Variants in IGHMBP2 observed in about 807,000 individuals in gnomAD.
IGHMBP2 encodes the protein immunoglobulin mu DNA binding protein 2, also known as DNA-binding protein SMUBP-2.
A neutral mutation model predicts 96.0 loss-of-function variants in IGHMBP2; 81 were observed. That is an observed-to-expected ratio of 0.84 (90% confidence interval 0.71 to 1.01). The LOEUF is 1.01. Ranked by LOEUF, IGHMBP2 falls within the 50% of genes least tolerant of loss-of-function variation. The probability of loss-of-function intolerance (pLI) is 0.00; values close to 1 mark genes in which losing one functional copy is unlikely to be tolerated. For synonymous variants in IGHMBP2, 557 were observed against 548.9 expected (o/e 1.01, Z -0.21); for missense variants, 1,227 against 1,306.3 (o/e 0.94, Z 0.94).
At position 68,936,361 on chromosome 11, in the gene IGHMBP2, GGAGT is replaced by G; in HGVS notation, c.1882_1885del (p.Glu628IlefsTer104). On this transcript the variant is annotated frameshift_variant, in exon 13 of 15. Coordinates refer to ENST00000255078, the MANE Select transcript of IGHMBP2 (RefSeq NM_002180.3). LOFTEE classifies it high-confidence loss of function. ...ACCATGCATTTTTGAAGACCCTGGT[GGAGT>G]ATTTCACACAGCATGGGGAAGTACG... The G allele has an allele frequency of 6.2e-7, 1 of 1,614,196 alleles. No individual in the cohort carries two copies. Among genetic ancestry groups the G allele is most frequent in the South Asian group, 1.1e-5 (1 of 91,076 alleles).
At position 68,903,942 on chromosome 11, in the gene IGHMBP2, C is replaced by T. The variant is rs1416279577; in HGVS notation, c.-11C>T. 2 of 1,580,432 alleles carry T rather than the reference C, an allele frequency of 1.3e-6. No individual in the cohort carries two copies. The highest frequency in any genetic ancestry group is 8.6e-7 in the Non-Finnish European group (1 of 1,163,400). ...GACGTCGGCTTCTAGGGGCCCAGGC[C>T]GGCGGCGGCGATGGCCTCGGCAGCT... On this transcript the variant is annotated 5_prime_UTR_variant, in exon 1 of 15. Coordinates refer to ENST00000255078, the MANE Select transcript of IGHMBP2 (RefSeq NM_002180.3).
chr11:68,940,050 T>G lies in IGHMBP2; in HGVS notation c.*319T>G. On this transcript the variant is annotated 3_prime_UTR_variant, in exon 15 of 15. Coordinates refer to ENST00000255078, the MANE Select transcript of IGHMBP2 (RefSeq NM_002180.3). ...GGGGAAGGTTCCAGTCCCTGGAGAA[T>G]ACCCAGGGCCTCAAACTTGAAGTCA... 2 of 372,334 alleles carry G rather than the reference T, an allele frequency of 5.4e-6. No homozygotes were observed. Among genetic ancestry groups the G allele is most frequent in the Non-Finnish European group, 4.9e-6 (1 of 202,700 alleles). 23.1% of individuals were successfully genotyped at this position (372,334 alleles called of 1,614,324 possible). A position where few individuals can be genotyped will look rare whatever the true frequency, so the allele number is the denominator to read the frequency against.
At chr11:68,913,061 AAAAAAAACC>A (rs1858504336) in intron 5 of IGHMBP2, among the ~76,000 whole-genome samples, 2 of 149,252 alleles carry the variant, frequency 1.3e-5, no homozygotes, top group East Asian at 3.9e-4. Context: ...AAAAAAAAAA[AAAAAAAACC>A]AAAAAAACCA....
At chr11:68,906,384 T>C in intron 2 of IGHMBP2, 146 bp downstream of exon 2, 3 of 909,738 alleles carry the variant, frequency 3.3e-6, no homozygotes, top group Non-Finnish European at 1.8e-6. Context: ...CAACAATTGA[T>C]GTGGGTTTTA....
chr11:68,932,124 C>T lies in IGHMBP2; in HGVS notation c.1236-1175C>T, dbSNP rs113253891. On this transcript the variant is annotated intron_variant, in intron 8 of 14. Coordinates refer to ENST00000255078, the MANE Select transcript of IGHMBP2 (RefSeq NM_002180.3). Reference sequence around the variant, plus strand: ...AGAGTAGGATGGTTTCGGGGGAAGACGTTGGGTGGCATTCCCTGGAGAGAG... The same window carrying T: ...AGAGTAGGATGGTTTCGGGGGAAGATGTTGGGTGGCATTCCCTGGAGAGAG... Among the ~76,000 whole-genome samples the T allele has an allele frequency of 2.9e-4, 43 of 148,454 alleles. 1 individual carries two copies. The highest frequency in any genetic ancestry group is 1.1e-3 in the African/African-American group (42 of 39,958).
intron 7 of IGHMBP2, among the ~76,000 whole-genome samples, chr11:68,920,229 C>CT (rs1332602148): frequency 6.6e-6 from 1 of 152,124 alleles, no homozygotes; most frequent in Non-Finnish European, 1.5e-5. Flanking sequence ...GTCCAGCTTT[C>CT]TTTTTATTTT....
chr11:68,923,953 C>G (rs949311751), intron 7 of IGHMBP2, among the ~76,000 whole-genome samples: 1 of 152,108 alleles, frequency 6.6e-6, no homozygotes, highest in African/African-American at 2.4e-5. Context: ...ACTCAGGGAG[C>G]CTTCTAGGTT....
chr11:68,912,912 C>T (rs1858492620), intron 5 of IGHMBP2, among the ~76,000 whole-genome samples: 2 of 151,860 alleles, frequency 1.3e-5, no homozygotes, highest in South Asian at 2.1e-4. Context: ...TGTGGTGGCA[C>T]ACACCTGCAA....
At chr11:68,913,205 T>C (rs1858514854) in intron 5 of IGHMBP2, among the ~76,000 whole-genome samples, 1 of 152,106 alleles carries the variant, frequency 6.6e-6, no homozygotes, top group African/African-American at 2.4e-5. Flanking sequence ...GGTTTTCCAA[T>C]GTGTGAGTGT....
In IGHMBP2 at chr11:68,939,782, G is replaced by A. The variant is rs1467683647; in HGVS notation, c.*51G>A. The A allele has an allele frequency of 6.5e-7, 1 of 1,543,460 alleles. No homozygotes were observed. The highest frequency in any genetic ancestry group is 1.9e-5 in the Admixed American group (1 of 51,394). On this transcript the variant is annotated 3_prime_UTR_variant, in exon 15 of 15. Coordinates refer to ENST00000255078, the MANE Select transcript of IGHMBP2 (RefSeq NM_002180.3). Reference sequence around the variant, plus strand: ...GGAGCTCTCTCCATGGTAGCCCAGGGCGCTGGCAGACCATGCTCCGCCTCC... The same window carrying A: ...GGAGCTCTCTCCATGGTAGCCCAGGACGCTGGCAGACCATGCTCCGCCTCC...
intron 4 of IGHMBP2, among the ~76,000 whole-genome samples, chr11:68,909,196 G>GCT (rs1447708332): frequency 9.5e-6 from 1 of 105,142 alleles, no homozygotes; most frequent in Non-Finnish European, 2.0e-5. Context: ...GGAGGGGGGG[G>GCT]GCGGATGGAG....
intron 4 of IGHMBP2, among the ~76,000 whole-genome samples, chr11:68,908,926 C>T (rs564686554): frequency 1.3e-4 from 20 of 150,914 alleles, no homozygotes; most frequent in Middle Eastern, 3.4e-3. Context: ...TTGCAAACTC[C>T]GCCTCCCGGG....
intron 4 of IGHMBP2, among the ~76,000 whole-genome samples, chr11:68,910,444 G>A (rs1458719959): frequency 6.6e-6 from 1 of 152,182 alleles, no homozygotes; most frequent in Non-Finnish European, 1.5e-5. Flanking sequence ...GTTGGCTTCA[G>A]TCTCACAAGT....
rs761196482 is a variant in IGHMBP2 at position 68,908,206 on chromosome 11, G to A, written c.318G>A (p.Leu106=). Residue 106 remains leucine, a synonymous_variant, in exon 3 of 15, where the codon TTG becomes TTA. Transcript: ENST00000255078. The part of the protein sequence containing the change: ...NEGSQLATGI[L]TRVTQKSVTV... ...GCAGTCAGCTGGCCACTGGGATCTT[G>A]ACCCGGGTCACCCAGAAGTCGGTCA... 1.2e-6 allele frequency: 2 copies of A among 1,613,898 alleles called. No individual in the cohort carries two copies. The highest frequency in any genetic ancestry group is 2.7e-5 in the African/African-American group (2 of 74,856).
At chr11:68,920,177 C>T (rs1858827055) in intron 7 of IGHMBP2, among the ~76,000 whole-genome samples, 1 of 152,182 alleles carries the variant, frequency 6.6e-6, no homozygotes, top group African/African-American at 2.4e-5. Context: ...TTGTGACTGG[C>T]TTGTTTTATT....
At chr11:68,907,589 A>G (rs1307100982) in intron 2 of IGHMBP2, among the ~76,000 whole-genome samples, 1 of 152,060 alleles carries the variant, frequency 6.6e-6, no homozygotes, top group Non-Finnish European at 1.5e-5. Context: ...TAAATTTCAT[A>G]TTTTGATTTC....
chr11:68,913,194 C>T (rs1321965606), intron 5 of IGHMBP2, among the ~76,000 whole-genome samples: 1 of 152,084 alleles, frequency 6.6e-6, no homozygotes, highest in Non-Finnish European at 1.5e-5. Flanking sequence ...TTACGTCCAG[C>T]GGTTTTCCAA....
intron 7 of IGHMBP2, among the ~76,000 whole-genome samples, chr11:68,922,329 A>G (rs1377448580): frequency 1.3e-5 from 2 of 151,896 alleles, no homozygotes; most frequent in Non-Finnish European, 2.9e-5. Flanking sequence ...AAAAAAAAAG[A>G]AAGAAAATGA....
intron 1 of IGHMBP2, 54 bp downstream of exon 1, chr11:68,904,092 GC>G (rs1277203267): frequency 7.0e-7 from 1 of 1,421,422 alleles, no homozygotes; most frequent in African/African-American, 1.4e-5. Flanking sequence ...CGTGTCCCGG[GC>G]AGAGTCTCCG....
Sources: gnomAD v4.1 joint callset for allele counts (sites outside exome capture counted in the v4.1 genomes callset) on GRCh38, gnomAD v4.1.1 for gene constraint, MANE v1.5 for transcripts, NCBI Gene and HGNC (gene_info 2026-07-23, HGNC 2026-07-21) for gene names.